The following GBP2 variants were observed in gnomAD, a reference collection of about 807,000 sequenced individuals.
GBP2 encodes the protein guanylate binding protein 2.
A neutral mutation model predicts 60.8 loss-of-function variants in GBP2; 54 were observed. That is an observed-to-expected ratio of 0.89 (90% CI 0.71 to 1.11). The LOEUF (loss-of-function observed/expected upper bound fraction) is 1.11. GBP2 is among the 50% of genes most tolerant of loss of function. The pLI, the probability that GBP2 is intolerant of heterozygous loss-of-function variation, is 0.00. For synonymous variants in GBP2, 243 were observed against 256.5 expected (o/e 0.95, Z 0.50); for missense variants, 665 against 703.3 (o/e 0.95, Z 0.62).
Position 89,109,940 on chromosome 1 carries a change from G to A in GBP2, c.1466-70C>T, listed in dbSNP as rs41288377. On this transcript the variant is annotated intron_variant, in intron 9 of 10. Transcript: ENST00000370466. ...TAGGTGTTCCCTTTTCCTTTCCCTC[G>A]TTTTTGTTTGTCTTATCCTTACATC... The A allele has an allele frequency of 6.1e-3, 8,514 of 1,398,136 alleles. 29 individuals are homozygous for A. The highest frequency in any genetic ancestry group is 7.6e-3 in the Non-Finnish European group (7,833 of 1,032,326). 86.6% of individuals were successfully genotyped at this position (1,398,136 alleles called of 1,614,324 possible).
rs1255097804 is a variant in GBP2 at position 89,107,719 on chromosome 1, C to T, written c.*456G>A. On this transcript the variant is annotated 3_prime_UTR_variant, in exon 11 of 11. Transcript: ENST00000370466. ...CTGTGCCCCATGGTTTGTTTGGTCTCATCACATTTTCATCATATTCACAAC... is the reference window on the plus strand; with the variant it reads ...CTGTGCCCCATGGTTTGTTTGGTCTTATCACATTTTCATCATATTCACAAC... Among the ~76,000 whole-genome samples, 1 of 152,170 alleles carries T rather than the reference C, an allele frequency of 6.6e-6. No homozygotes were observed. The highest frequency in any genetic ancestry group is 1.9e-4 in the East Asian group (1 of 5,198).
At chr1:89,108,507 C>G (rs907859113) in intron 10 of GBP2, among the ~76,000 whole-genome samples, 1 of 152,140 alleles carries the variant, frequency 6.6e-6, no homozygotes, top group African/African-American at 2.4e-5. Flanking sequence ...CGTTTTATTC[C>G]TTGGTCCCTT....
At chr1:89,117,384 C>A in intron 5 of GBP2, 150 bp from the exon 6 acceptor site, 1 of 904,438 alleles carries the variant, frequency 1.1e-6, no homozygotes, top group Non-Finnish European at 1.7e-6. Flanking sequence ...AAAGGAAAGT[C>A]TCCAAGAAGA....
chr1:89,125,235 G>A (rs1413591226), intron 1 of GBP2, among the ~76,000 whole-genome samples: 1 of 152,094 alleles, frequency 6.6e-6, no homozygotes, highest in Non-Finnish European at 1.5e-5. Flanking sequence ...TTTATAATAT[G>A]GAGTCGATTA....
In GBP2 at chr1:89,121,986, T is replaced by A; in HGVS notation, c.-17-3A>T. ...AGCCATGTCCAGGGTGTTGTTCCCTTGTGTGCAAGGAAAAAGATGAAATGG... is the reference window on the plus strand; with the variant it reads ...AGCCATGTCCAGGGTGTTGTTCCCTAGTGTGCAAGGAAAAAGATGAAATGG... On this transcript the variant is annotated splice_polypyrimidine_tract_variant and splice_region_variant and intron_variant, in intron 1 of 10. Coordinates refer to ENST00000370466, the MANE Select transcript of GBP2 (RefSeq NM_004120.5). 6.3e-7 allele frequency: 1 copy of A among 1,583,226 alleles called. No individual in the cohort carries two copies. The highest frequency in any genetic ancestry group is 8.6e-7 in the Non-Finnish European group (1 of 1,162,872).
chr1:89,118,419 G>C (rs1488766715), intron 4 of GBP2: 1 of 152,190 alleles, frequency 6.6e-6, no homozygotes, highest in Non-Finnish European at 1.5e-5. Flanking sequence ...GTGTGGTAGG[G>C]CAGAAGCCTT....
In GBP2 at chr1:89,117,710, G is replaced by A. The variant is rs142187312; in HGVS notation, c.492C>T (p.Asp164=). ...ANSSPGNNSV[D]DSADFVSFFP... Reference sequence around the variant, plus strand: ...AAAAGCTCACAAAGTCAGCTGAGTCGTCTACAGAATTGTTACCAGGTGAGG... The same window carrying A: ...AAAAGCTCACAAAGTCAGCTGAGTCATCTACAGAATTGTTACCAGGTGAGG... The change falls in exon 5 of 11, where the codon GAC becomes GAT. Residue 164 remains aspartate (D), a synonymous_variant. Coordinates refer to ENST00000370466, the MANE Select transcript of GBP2 (RefSeq NM_004120.5). 7.7e-5 allele frequency: 124 copies of A among 1,614,066 alleles called. No homozygotes were observed. The highest frequency in any genetic ancestry group is 1.7e-4 in the Middle Eastern group (1 of 6,060).
In GBP2 at chr1:89,108,730, CAAAATT is replaced by C. The variant is rs1353995854; in HGVS notation, c.1660-445_1660-440del. On this transcript the variant is annotated intron_variant, in intron 10 of 10. Transcript: ENST00000370466. ...GATCAGGGAATTTAGTACAGGTCTC[CAAAATT>C]CGGAGGTAACAGAAATAAATTGAGG... 7.0e-3 allele frequency among the ~76,000 whole-genome samples: 1,067 copies of C among 152,102 alleles called. 12 individuals carry two copies. Among genetic ancestry groups the C allele is most frequent in the African/African-American group, 0.024 (1,015 of 41,452 alleles).
At chr1:89,113,435 C>T (rs957899538) in intron 7 of GBP2, among the ~76,000 whole-genome samples, 6 of 152,200 alleles carry the variant, frequency 3.9e-5, no homozygotes, top group Admixed American at 6.5e-5. Flanking sequence ...TCTAGCTTCA[C>T]CAGAACCTCT....
At chr1:89,112,918 G>A in intron 7 of GBP2, 1 of 554,076 alleles carries the variant, frequency 1.8e-6, no homozygotes, top group Non-Finnish European at 3.2e-6. Flanking sequence ...TCCTGTTTCA[G>A]AGAATGATTC....
rs140468625 is a variant in GBP2, at chr1:89,112,828, A to G, written c.1150-144T>C. The G allele has an allele frequency of 6.8e-4, 430 of 632,562 alleles. 4 individuals carry two copies. The East Asian group carries it at 9.8e-3, about 14-fold the overall frequency. 39.2% of individuals were successfully genotyped at this position (632,562 alleles called of 1,614,324 possible). On this transcript the variant is annotated intron_variant, in intron 7 of 10. Transcript: ENST00000370466. ...TCCTCACATTGCTGTTAGATCCTAG[A>G]ATATCCCTAAGTTGTGCTTATTGCA...
chr1:89,119,872 T>G, intron 4 of GBP2: 1 of 288,650 alleles, frequency 3.5e-6, no homozygotes, highest in South Asian at 4.1e-5. Context: ...GATAAGAATA[T>G]AGAGAGTTGC....
At chr1:89,113,350 A>G (rs1293731227) in intron 7 of GBP2, among the ~76,000 whole-genome samples, 1 of 152,224 alleles carries the variant, frequency 6.6e-6, no homozygotes, top group African/African-American at 2.4e-5. Context: ...ACATTAAATC[A>G]CTCAAGATAA....
chr1:89,118,924 C>T (rs1202988162), intron 4 of GBP2: 1 of 152,166 alleles, frequency 6.6e-6, no homozygotes, highest in African/African-American at 2.4e-5. Flanking sequence ...CAAGATGTCT[C>T]TTACACATCT....
At position 89,117,262 on chromosome 1, in the gene GBP2, A is replaced by C. The variant is rs138950344; in HGVS notation, c.626-28T>G. On this transcript the variant is annotated intron_variant, in intron 5 of 10. Coordinates refer to ENST00000370466, the MANE Select transcript of GBP2 (RefSeq NM_004120.5). ...ACAGGAATGAAAATTAGAAGTAGTA[A>C]AACTTCAAATTAATTACTTCAAATA... 202 of 1,564,820 alleles carry C rather than the reference A, an allele frequency of 1.3e-4. No individual in the cohort carries two copies. The African/African-American group carries it at 2.6e-3, about 20-fold the overall frequency.
In GBP2 at chr1:89,108,058, C is replaced by T; in HGVS notation, c.*117G>A. 2 of 652,846 alleles carry T rather than the reference C, an allele frequency of 3.1e-6. No individual in the cohort carries two copies. The highest frequency in any genetic ancestry group is 5.4e-6 in the Non-Finnish European group (2 of 367,874). 40.4% of individuals were successfully genotyped at this position (652,846 alleles called of 1,614,324 possible). A position where few individuals can be genotyped will look rare whatever the true frequency, so the allele number is the denominator to read the frequency against. On this transcript the variant is annotated 3_prime_UTR_variant, in exon 11 of 11. Coordinates refer to ENST00000370466, the MANE Select transcript of GBP2 (RefSeq NM_004120.5). ...CAAACTTTATGGTTCAACAAAAATG[C>T]ATGCATCATGATTTTGAGTTAAGTT...
intron 8 of GBP2, among the ~76,000 whole-genome samples, chr1:89,112,154 CT>C (rs545843987): frequency 5.3e-5 from 8 of 149,534 alleles, no homozygotes; most frequent in South Asian, 2.1e-4. Context: ...AGAGCTTGAA[CT>C]TTTTTTTTTA....
chr1:89,113,695 A>G (rs969828494), intron 7 of GBP2, among the ~76,000 whole-genome samples: 1 of 152,238 alleles, frequency 6.6e-6, no homozygotes, highest in Non-Finnish European at 1.5e-5. Context: ...ACTGATAATT[A>G]CCAGGGAACA....
chr1:89,109,639 G>A (rs1419051332), intron 10 of GBP2, 38 bp downstream of exon 10: 1 of 1,578,418 alleles, frequency 6.3e-7, no homozygotes, highest in African/African-American at 1.4e-5. Flanking sequence ...TCGATATGGG[G>A]CACTGGAAGA....
Sources: gnomAD v4.1 joint callset for allele counts (sites outside exome capture counted in the v4.1 genomes callset) on GRCh38, gnomAD v4.1.1 for gene constraint, MANE v1.5 for transcripts, NCBI Gene and HGNC (gene_info 2026-07-23, HGNC 2026-07-21) for gene names.